Variants in GPHN observed in about 807,000 individuals in gnomAD.
GPHN encodes the protein gephyrin.
In GPHN, 17 loss-of-function variants were observed where a neutral mutation model predicts 95.5. The ratio of observed to expected loss-of-function variants is 0.18; its 90% CI spans 0.12 to 0.27. GPHN has a LOEUF of 0.27. GPHN is among the 10% of genes least tolerant of loss of function. GPHN has a pLI of 1.00. For missense variants in GPHN, 660 were observed against 978.1 expected, an observed-to-expected ratio of 0.67 and a Z score of 4.34; for synonymous variants, 320 against 322.5, an observed-to-expected ratio of 0.99 and a Z score of 0.08.
chr14:67,378,763 C>G, the GPHN span, among the ~76,000 whole-genome samples: 1 of 152,130 alleles, frequency 6.6e-6, no homozygotes, highest in African/African-American at 2.4e-5. Flanking sequence ...AGGGACTGTC[C>G]AGATTTAACT....
intron 1 of GPHN, among the ~76,000 whole-genome samples, chr14:66,592,469 AAC>A (rs35084332): frequency 0.16 from 23,889 of 145,694 alleles, 3,702 homozygotes; most frequent in East Asian, 0.45. Context: ...AAAAAAAAAA[AAC>A]CCCGTCAAGA....
the GPHN span, chr14:67,677,339 T>G: frequency 2.8e-4 from 41 of 148,608 alleles, 1 homozygote; most frequent in African/African-American, 9.9e-4. Context: ...GAAGAATTGT[T>G]TTTTTTGTTT....
At chr14:66,847,637 T>C (rs1169924191) in intron 4 of GPHN, among the ~76,000 whole-genome samples, 9 of 152,086 alleles carry the variant, frequency 5.9e-5, no homozygotes, top group Non-Finnish European at 1.3e-4. Flanking sequence ...TATTTTTTCT[T>C]TTAGTTTTTT....
At chr14:66,788,679 C>T (rs778976497) in intron 3 of GPHN, among the ~76,000 whole-genome samples, 21 of 152,020 alleles carry the variant, frequency 1.4e-4, no homozygotes, top group African/African-American at 2.4e-4. Context: ...TTTTTTGAGA[C>T]GGAGTTTTGC....
chr14:67,656,842 AT>A, the GPHN span, among the ~76,000 whole-genome samples: 1 of 152,230 alleles, frequency 6.6e-6, no homozygotes, highest in Non-Finnish European at 1.5e-5. Flanking sequence ...GGAAAGATGG[AT>A]TAAAAATACT....
Position 66,635,280 on chromosome 14 carries a change from A to C in GPHN, c.65-45827A>C, listed in dbSNP as rs186677417. ...TTGGTCAAAAGAGGTCATAGAGCCAATTCAGATTTAACAGATAGGGGAAAG... is the reference window on the plus strand; with the variant it reads ...TTGGTCAAAAGAGGTCATAGAGCCACTTCAGATTTAACAGATAGGGGAAAG... On this transcript the variant is annotated intron_variant, in intron 1 of 22. Coordinates refer to ENST00000478722, the MANE Select transcript of GPHN (RefSeq NM_020806.5). 3.0e-3 allele frequency among the ~76,000 whole-genome samples: 456 copies of C among 152,328 alleles called. 3 individuals carry two copies. Among genetic ancestry groups the C allele is most frequent in the African/African-American group, 0.011 (438 of 41,588 alleles).
At chr14:67,393,347 T>C in the GPHN span, 1 of 789,472 alleles carries the variant, frequency 1.3e-6, no homozygotes. Context: ...GCAAATGGTG[T>C]GACACACATC....
chr14:66,629,126 T>C (rs2063645373), intron 1 of GPHN, among the ~76,000 whole-genome samples: 1 of 137,200 alleles, frequency 7.3e-6, no homozygotes, highest in Non-Finnish European at 1.5e-5. Context: ...TATAAATATG[T>C]ATATAAATAT....
the GPHN span, chr14:67,589,290 A>C: frequency 1.1e-6 from 1 of 947,200 alleles, no homozygotes; most frequent in East Asian, 1.2e-4. Context: ...ATACAGAAGA[A>C]ACTAACTTAG....
the GPHN span, among the ~76,000 whole-genome samples, chr14:67,533,010 C>A: frequency 6.6e-6 from 1 of 152,148 alleles, no homozygotes; most frequent in Non-Finnish European, 1.5e-5. Flanking sequence ...CCCTCCCTGC[C>A]GCCCCAGGGA....
chr14:66,657,112 G>A (rs904180742), intron 1 of GPHN, among the ~76,000 whole-genome samples: 1 of 152,178 alleles, frequency 6.6e-6, no homozygotes, highest in African/African-American at 2.4e-5. Flanking sequence ...TGATAAGAAA[G>A]TAAAACAGCT....
intron 4 of GPHN, among the ~76,000 whole-genome samples, chr14:66,862,341 T>TA (rs1294382421): frequency 1.3e-5 from 2 of 151,510 alleles, no homozygotes. Flanking sequence ...ATTGAAGCTG[T>TA]AAAAAAAAGT....
intron 1 of GPHN, among the ~76,000 whole-genome samples, chr14:66,615,321 C>T (rs917920032): frequency 6.6e-6 from 1 of 152,128 alleles, no homozygotes; most frequent in South Asian, 2.1e-4. Flanking sequence ...GATTTACATT[C>T]CCACCAGCAG....
the GPHN span, among the ~76,000 whole-genome samples, chr14:67,561,517 T>C: frequency 6.6e-6 from 1 of 151,740 alleles, no homozygotes; most frequent in Non-Finnish European, 1.5e-5. Flanking sequence ...TGAGCCAAGA[T>C]TGCACCACTG....
intron 1 of GPHN, among the ~76,000 whole-genome samples, chr14:66,596,961 C>T (rs767767462): frequency 3.3e-5 from 5 of 152,142 alleles, no homozygotes; most frequent in Non-Finnish European, 5.9e-5. Context: ...GACAGGCTGC[C>T]GCTGCCTTCA....
At chr14:67,199,751 G>A in the GPHN span, 2 of 1,554,094 alleles carry the variant, frequency 1.3e-6, no homozygotes, top group African/African-American at 2.7e-5. Flanking sequence ...ATTGGGGTCT[G>A]GGCTTCCTCC....
At chr14:67,271,258 A>C in the GPHN span, 1 of 152,244 alleles carries the variant, frequency 6.6e-6, no homozygotes, top group South Asian at 2.1e-4. Context: ...ATTTCCCTTT[A>C]CTTCTATCTG....
chr14:66,542,372 A>G (rs2059383013), intron 1 of GPHN, among the ~76,000 whole-genome samples: 1 of 152,090 alleles, frequency 6.6e-6, no homozygotes, highest in Admixed American at 6.5e-5. Context: ...CTCATCCTCA[A>G]TCTCTCAGCT....
chr14:66,747,734 T>C (rs1434217439), intron 2 of GPHN, among the ~76,000 whole-genome samples: 3 of 152,144 alleles, frequency 2.0e-5, no homozygotes, highest in African/African-American at 4.8e-5. Flanking sequence ...AATGCATTTA[T>C]GTATGGACAT....
Sources: allele counts gnomAD v4.1 joint callset (sites outside exome capture counted in the v4.1 genomes callset), GRCh38; gene constraint gnomAD v4.1.1; transcripts MANE v1.5; gene names NCBI Gene and HGNC (gene_info 2026-07-23, HGNC 2026-07-21).